Variants in CLGN observed in about 807,000 individuals in gnomAD.
The protein encoded by CLGN is testis tissue sperm-binding protein Li 79P.
CLGN carries 62 observed loss-of-function variants against 79.1 expected under a neutral mutation model. That is an observed-to-expected ratio of 0.78 (90% CI 0.64 to 0.97). CLGN has a LOEUF of 0.97. CLGN is among the 50% of genes least tolerant of loss of function. CLGN has a pLI of 0.00. For missense variants in CLGN, 647 were observed against 715.5 expected (o/e 0.90, Z 1.09); for synonymous variants, 225 against 224.7 (o/e 1.00, Z -0.01).
chr4:140,419,137 G>A (rs931449131), intron 1 of CLGN, among the ~76,000 whole-genome samples: 1 of 152,046 alleles, frequency 6.6e-6, no homozygotes, highest in African/African-American at 2.4e-5. Flanking sequence ...CTCACTCATA[G>A]GTGGGAATTG....
chr4:140,392,618 T>C lies in CLGN; in HGVS notation c.1459A>G (p.Ile487Val). 6.2e-7 allele frequency: 1 copy of C among 1,605,456 alleles called. No homozygotes were observed. The change falls in exon 12 of 15, where the codon ATT (isoleucine) becomes GTT (valine). Residue 487 changes from isoleucine (I) to valine (V), a missense_variant. Ile to Val is a conservative substitution (Grantham distance 29). Transcript: ENST00000325617. ...TTTCTTGGCCAACAAAATGAAGTAA[T>C]TAATGCTATTGGCACTCCTGCTGTC... is the stretch of plus-strand genomic sequence containing the variant. ...LVTAGVPIALITSFCWPRKVK... is the reference protein window; with the variant it reads ...LVTAGVPIALVTSFCWPRKVK...
intron 3 of CLGN, 110 bp downstream of exon 3, chr4:140,410,443 T>A (rs1460938846): frequency 7.0e-6 from 5 of 715,342 alleles, no homozygotes; most frequent in Non-Finnish European, 1.2e-5. Context: ...ATTAAACTAC[T>A]TTAAAATTTT....
At chr4:140,396,913 A>ATATATATATATATG (rs1728900487) in intron 8 of CLGN, among the ~76,000 whole-genome samples, 1 of 133,706 alleles carries the variant, frequency 7.5e-6, no homozygotes, top group South Asian at 2.3e-4. Context: ...ATATGTATAT[A>ATATATATATATATG]TATATATATA....
chr4:140,412,704 C>T (rs756298079), intron 2 of CLGN, among the ~76,000 whole-genome samples: 2 of 152,074 alleles, frequency 1.3e-5, no homozygotes, highest in African/African-American at 4.8e-5. Context: ...ATAGTAAAAA[C>T]CTCCCCCATA....
chr4:140,398,230 A>G (rs1174070349), intron 8 of CLGN, among the ~76,000 whole-genome samples: 1 of 140,858 alleles, frequency 7.1e-6, no homozygotes, highest in African/African-American at 2.6e-5. Flanking sequence ...AAGCAGTTAT[A>G]TGTGGTTTCT....
intron 5 of CLGN, among the ~76,000 whole-genome samples, chr4:140,405,613 C>A (rs1382367055): frequency 6.6e-6 from 1 of 152,102 alleles, no homozygotes; most frequent in Non-Finnish European, 1.5e-5. Flanking sequence ...GAGAGCCAAA[C>A]TATTTATTCC....
At chr4:140,418,288 A>G (rs1271833444) in intron 1 of CLGN, among the ~76,000 whole-genome samples, 2 of 150,310 alleles carry the variant, frequency 1.3e-5, no homozygotes, top group Non-Finnish European at 3.0e-5. Context: ...GGACATAGGC[A>G]TGGGCAAGGA....
Position 140,400,539 on chromosome 4 carries a change from T to A in CLGN, c.512A>T (p.Tyr171Phe). The change falls in exon 7 of 15, where the codon TAT becomes TTT. Residue 171 changes from tyrosine (Y) to phenylalanine (F), a missense_variant. By Grantham distance (22) the Tyr-to-Phe change is conservative. Coordinates refer to ENST00000325617, the MANE Select transcript of CLGN (RefSeq NM_004362.3). Reference protein sequence around the residue: ...DTDDLILENFYDKTSYIIMFG... With the variant: ...DTDDLILENFFDKTSYIIMFG... ...CATAATGATATAGGATGTTTTATCATAAAAGTTTTCCTTCAAAGAGAGATG... is the reference window on the plus strand; with the variant it reads ...CATAATGATATAGGATGTTTTATCAAAAAAGTTTTCCTTCAAAGAGAGATG... 1 of 1,586,826 alleles carries A rather than the reference T, an allele frequency of 6.3e-7. No individual in the cohort carries two copies. The highest frequency in any genetic ancestry group is 2.2e-5 in the East Asian group (1 of 44,518).
chr4:140,400,409 A>T lies in CLGN; in HGVS notation c.642T>A (p.Asp214Glu), dbSNP rs1246328089. Residue 214 changes from aspartate (D) to glutamate (E), a missense_variant, in exon 7 of 15, where the codon GAT becomes GAA. Transcript: ENST00000325617. ...CTGTAAAGAACTTTTTAAGGTCTAC[A>T]TCTGGAGGTTTGGCATGTTTCTCTT... Reference protein sequence around the residue: ...VFEEKHAKPPDVDLKKFFTDR... With the variant: ...VFEEKHAKPPEVDLKKFFTDR... The T allele has an allele frequency of 6.2e-7, 1 of 1,613,442 alleles. No homozygotes were observed. The highest frequency in any genetic ancestry group is 2.2e-5 in the East Asian group (1 of 44,798).
chr4:140,419,391 C>G (rs1184785231), intron 1 of CLGN, among the ~76,000 whole-genome samples: 2 of 151,928 alleles, frequency 1.3e-5, no homozygotes, highest in Non-Finnish European at 2.9e-5. Flanking sequence ...TAGTAGTTAT[C>G]AAACACAAAT....
At chr4:140,404,802 G>A (rs1036481685) in intron 5 of CLGN, among the ~76,000 whole-genome samples, 1 of 151,794 alleles carries the variant, frequency 6.6e-6, no homozygotes, top group African/African-American at 2.4e-5. Flanking sequence ...CTACAGTCGG[G>A]CACCACCATG....
intron 1 of CLGN, 95 bp from the exon 2 acceptor site, chr4:140,413,182 C>T: frequency 1.1e-6 from 1 of 907,290 alleles, no homozygotes. Flanking sequence ...ATAATAGCTC[C>T]TTTATTCTAG....
At chr4:140,418,145 C>A (rs1413630923) in intron 1 of CLGN, among the ~76,000 whole-genome samples, 2 of 151,794 alleles carry the variant, frequency 1.3e-5, no homozygotes, top group African/African-American at 2.4e-5. Flanking sequence ...AACTGGCTAG[C>A]CATATGTAGA....
At chr4:140,408,932 T>C (rs1480382204) in intron 4 of CLGN, among the ~76,000 whole-genome samples, 2 of 150,618 alleles carry the variant, frequency 1.3e-5, no homozygotes, top group African/African-American at 4.9e-5. Flanking sequence ...TATGTATATA[T>C]ATTTGTGTAT....
chr4:140,418,239 C>A (rs1308814404), intron 1 of CLGN, among the ~76,000 whole-genome samples: 2 of 151,656 alleles, frequency 1.3e-5, no homozygotes, highest in Non-Finnish European at 2.9e-5. Context: ...GACCTAAAAC[C>A]ATAAAAACCC....
Position 140,395,829 on chromosome 4 carries a change from G to A in CLGN, c.1139C>T (p.Pro380Leu). 6.7e-7 allele frequency: 1 copy of A among 1,491,994 alleles called. No individual in the cohort carries two copies. Among genetic ancestry groups the A allele is most frequent in the Middle Eastern group, 1.8e-4 (1 of 5,554 alleles). 92.4% of individuals were successfully genotyped at this position (1,491,994 alleles called of 1,614,324 possible). The change falls in exon 10 of 15, where the codon CCT becomes CTT. Residue 380 changes from proline to leucine, a missense_variant. Physicochemically the swap from Pro to Leu is moderately conservative, Grantham distance 98. Transcript: ENST00000325617. ...ACAAGCGGTTGTTACCTGATAGTTA[G>A]GATTATCGACCAGTGGAGGTCTCCA... is the stretch of plus-strand genomic sequence containing the variant. ...GVWRPPLVDN[P>L]NYQGIWSPRK... is the part of the protein sequence containing the mutation.
At chr4:140,395,496 A>G (rs925789365) in intron 10 of CLGN, among the ~76,000 whole-genome samples, 4 of 152,222 alleles carry the variant, frequency 2.6e-5, no homozygotes, top group Non-Finnish European at 4.4e-5. Flanking sequence ...AATTAAGCAC[A>G]GGCATTAATT....
intron 8 of CLGN, among the ~76,000 whole-genome samples, chr4:140,396,875 A>G (rs572088042): frequency 2.4e-4 from 3 of 12,724 alleles, no homozygotes; most frequent in Non-Finnish European, 1.0e-3. Context: ...ATATATATAC[A>G]TATATATATA....
chr4:140,427,257 C>A (rs908568259), intron 1 of CLGN, among the ~76,000 whole-genome samples: 1 of 152,184 alleles, frequency 6.6e-6, no homozygotes, highest in East Asian at 1.9e-4. Flanking sequence ...CCAGCCCGGG[C>A]GCAGCAGGTG....
Sources: allele counts gnomAD v4.1 joint callset (sites outside exome capture counted in the v4.1 genomes callset), GRCh38; gene constraint gnomAD v4.1.1; transcripts MANE v1.5; gene names NCBI Gene and HGNC (gene_info 2026-07-23, HGNC 2026-07-21).